The following NAALADL2 variants were observed in gnomAD, a reference collection of about 807,000 sequenced individuals.
NAALADL2 encodes the protein N-acetylated alpha-linked acidic dipeptidase like 2, also known as inactive N-acetylated-alpha-linked acidic dipeptidase-like protein 2.
A neutral mutation model predicts 87.2 loss-of-function variants in NAALADL2; 76 were observed. The ratio of observed to expected loss-of-function variants is 0.87; its 90% confidence interval spans 0.72 to 1.05. NAALADL2 has a LOEUF of 1.05. NAALADL2 is among the 50% of genes least tolerant of loss of function. The pLI is 0.00. For synonymous variants in NAALADL2, 354 were observed against 331.0 expected (o/e 1.07, Z -0.75); for missense variants, 1,089 against 945.8 (o/e 1.15, Z -1.99).
rs909025980 is a variant in NAALADL2 at position 175,278,471 on chromosome 3, C to T, written c.939+21941C>T. Among the ~76,000 whole-genome samples the T allele has an allele frequency of 4.6e-5, 7 of 152,282 alleles. No homozygotes were observed. In the South Asian group the frequency reaches 8.3e-4, roughly 18 times the overall value. On this transcript the variant is annotated intron_variant, in intron 4 of 13. Coordinates refer to ENST00000454872, the MANE Select transcript of NAALADL2 (RefSeq NM_207015.3). ...TGAAGTTCAAAAGAACAAGAGGAAT[C>T]TTAGCCAGTGTATGATTAGGCAAAC... is the stretch of plus-strand genomic sequence containing the variant.
At chr3:174,784,999 T>C (rs1716424093) in intron 3 of NAALADL2, among the ~76,000 whole-genome samples, 1 of 152,184 alleles carries the variant, frequency 6.6e-6, no homozygotes, top group Non-Finnish European at 1.5e-5. Context: ...TTTTGTCCTT[T>C]TTAATTTAAT....
intron 2 of NAALADL2, among the ~76,000 whole-genome samples, chr3:175,154,451 T>C (rs1732006625): frequency 6.6e-6 from 1 of 152,152 alleles, no homozygotes; most frequent in African/African-American, 2.4e-5. Context: ...TTGAGAAATT[T>C]ATTTAATCTC....
intron 1 of NAALADL2, among the ~76,000 whole-genome samples, chr3:174,948,271 G>C (rs1302496376): frequency 6.6e-6 from 1 of 152,038 alleles, no homozygotes; most frequent in Non-Finnish European, 1.5e-5. Context: ...CCACCTCCCG[G>C]GTTGAAGCAG....
intron 5 of NAALADL2, among the ~76,000 whole-genome samples, chr3:175,400,468 G>T (rs1420854909): frequency 6.6e-6 from 1 of 152,004 alleles, no homozygotes; most frequent in African/African-American, 2.4e-5. Context: ...ACTGAAAAGT[G>T]AAAGATAAAT....
chr3:175,339,077 A>G (rs1338438400), intron 5 of NAALADL2, among the ~76,000 whole-genome samples: 2 of 152,244 alleles, frequency 1.3e-5, no homozygotes, highest in African/African-American at 2.4e-5. Context: ...AGTGGGGAAC[A>G]ACTGCGGCAG....
chr3:175,549,778 GT>G (rs1170510443), intron 9 of NAALADL2, among the ~76,000 whole-genome samples: 1 of 151,998 alleles, frequency 6.6e-6, no homozygotes, highest in Admixed American at 6.6e-5. Flanking sequence ...ACAGTCAGAA[GT>G]TATTATTACA....
intron 1 of NAALADL2, among the ~76,000 whole-genome samples, chr3:174,949,083 C>A (rs916668760): frequency 6.6e-6 from 1 of 152,102 alleles, no homozygotes. Flanking sequence ...GAGTTCTCTA[C>A]CCTCTTGACC....
chr3:174,483,725 AT>A (rs1717698727), intron 1 of NAALADL2, among the ~76,000 whole-genome samples: 1 of 152,066 alleles, frequency 6.6e-6, no homozygotes, highest in Non-Finnish European at 1.5e-5. Flanking sequence ...TTAAGTTGGA[AT>A]TTAAAAAGGA....
At chr3:174,473,246 T>C (rs572370820) in intron 1 of NAALADL2, among the ~76,000 whole-genome samples, 5 of 152,248 alleles carry the variant, frequency 3.3e-5, no homozygotes, top group African/African-American at 7.2e-5. Context: ...ATAGACCTGG[T>C]TACTGTTTGA....
chr3:174,964,665 G>T (rs1428841616), intron 1 of NAALADL2, among the ~76,000 whole-genome samples: 1 of 151,930 alleles, frequency 6.6e-6, no homozygotes, highest in Non-Finnish European at 1.5e-5. Flanking sequence ...GAGAGGTAAA[G>T]AAAACAAGAA....
chr3:174,582,265 G>T (rs1305889819), intron 2 of NAALADL2, among the ~76,000 whole-genome samples: 1 of 152,204 alleles, frequency 6.6e-6, no homozygotes, highest in African/African-American at 2.4e-5. Flanking sequence ...TGGGGTTGAA[G>T]AAGTGGAGAC....
intron 2 of NAALADL2, among the ~76,000 whole-genome samples, chr3:174,579,694 C>T (rs551997631): frequency 2.0e-5 from 3 of 152,132 alleles, no homozygotes; most frequent in Non-Finnish European, 2.9e-5. Flanking sequence ...TTTTGTATTT[C>T]ACTGTAAACT....
intron 2 of NAALADL2, among the ~76,000 whole-genome samples, chr3:174,595,468 G>T (rs563527272): frequency 1.0e-3 from 152 of 152,272 alleles, no homozygotes; most frequent in African/African-American, 3.6e-3. Context: ...GGCCAGATAA[G>T]TTACACGGAA....
intron 1 of NAALADL2, among the ~76,000 whole-genome samples, chr3:175,062,915 T>G (rs1006325297): frequency 6.6e-6 from 1 of 152,128 alleles, no homozygotes; most frequent in Non-Finnish European, 1.5e-5. Context: ...CCCCTTCCTA[T>G]TTCACTTATA....
chr3:174,533,653 TAA>T (rs1305718739), intron 1 of NAALADL2, among the ~76,000 whole-genome samples: 1 of 149,418 alleles, frequency 6.7e-6, no homozygotes, highest in African/African-American at 2.5e-5. Context: ...CCCACAGATT[TAA>T]AGTGTCTAAT....
chr3:175,384,756 T>C (rs6808393), intron 5 of NAALADL2, among the ~76,000 whole-genome samples: 13,275 of 151,080 alleles, frequency 0.088, 921 homozygotes, highest in African/African-American at 0.19. Context: ...TTTGTTTTAT[T>C]TATTTATTTA....
intron 11 of NAALADL2, among the ~76,000 whole-genome samples, chr3:175,634,848 A>T (rs915338522): frequency 1.3e-5 from 2 of 152,028 alleles, no homozygotes; most frequent in African/African-American, 2.4e-5. Context: ...CGCTATATCA[A>T]ATTATTGTTA....
chr3:175,373,571 G>T (rs769185490), intron 5 of NAALADL2, among the ~76,000 whole-genome samples: 1 of 152,030 alleles, frequency 6.6e-6, no homozygotes, highest in East Asian at 1.9e-4. Flanking sequence ...TTTGCTAATT[G>T]TCATTTGGAC....
intron 1 of NAALADL2, among the ~76,000 whole-genome samples, chr3:174,485,948 A>G (rs144289035): frequency 2.6e-5 from 4 of 152,158 alleles, no homozygotes; most frequent in African/African-American, 9.6e-5. Context: ...AATCTTCTGC[A>G]TATGGCTAGC....
Sources: gnomAD v4.1 joint callset for allele counts (sites outside exome capture counted in the v4.1 genomes callset) on GRCh38, gnomAD v4.1.1 for gene constraint, MANE v1.5 for transcripts, NCBI Gene and HGNC (gene_info 2026-07-23, HGNC 2026-07-21) for gene names.